Variants in FERMT2 observed in about 807,000 individuals in gnomAD.
FERMT2 encodes FERM domain containing kindlin 2, also known as fermitin family homolog 2.
A neutral mutation model predicts 82.7 loss-of-function variants in FERMT2; 15 were observed. That is an observed-to-expected ratio of 0.18 (90% confidence interval 0.12 to 0.28). The LOEUF is 0.28. Ranked by LOEUF, FERMT2 falls within the 10% of genes least tolerant of loss-of-function variation. The pLI is 1.00. For synonymous variants in FERMT2, 274 were observed against 271.5 expected (o/e 1.01, Z -0.09); for missense variants, 645 against 809.4 (o/e 0.80, Z 2.46).
chr14:52,875,932 TG>T (rs1885931417), intron 7 of FERMT2, among the ~76,000 whole-genome samples: 1 of 152,036 alleles, frequency 6.6e-6, no homozygotes, highest in Non-Finnish European at 1.5e-5. Flanking sequence ...TATACGTGGG[TG>T]GGGTGGGGGC....
chr14:52,912,670 C>CATTCTT (rs2139617531), intron 3 of FERMT2, among the ~76,000 whole-genome samples: 1 of 151,990 alleles, frequency 6.6e-6, no homozygotes, highest in South Asian at 2.1e-4. Context: ...CCACCATGCC[C>CATTCTT]GGCTACTTTT....
intron 10 of FERMT2, among the ~76,000 whole-genome samples, chr14:52,866,095 T>TACACAATTCCATAATAA (rs1325092377): frequency 1.3e-5 from 2 of 152,142 alleles, no homozygotes; most frequent in African/African-American, 2.4e-5. Flanking sequence ...GGATTTACAG[T>TACACAATTCCATAATAA]ACACAATTCC....
Position 52,881,228 on chromosome 14 carries a change from A to C in FERMT2, c.752+16T>G, listed in dbSNP as rs770898925. ...TGGATGAAGAAATTCAATTTTATCT[A>C]TATCTTAAAACTTACCCTTGGTTGA... On this transcript the variant is annotated intron_variant, in intron 5 of 14. Transcript: ENST00000341590. 1.2e-6 allele frequency: 2 copies of C among 1,607,198 alleles called. No individual in the cohort carries two copies. Among genetic ancestry groups the C allele is most frequent in the African/African-American group, 2.7e-5 (2 of 74,694 alleles).
chr14:52,916,546 A>C (rs1484577399), intron 3 of FERMT2, among the ~76,000 whole-genome samples: 1 of 152,202 alleles, frequency 6.6e-6, no homozygotes, highest in African/African-American at 2.4e-5. Flanking sequence ...GAGAGGGATG[A>C]ATAGGCAGAG....
intron 7 of FERMT2, among the ~76,000 whole-genome samples, chr14:52,875,795 T>C (rs1189338676): frequency 1.3e-5 from 2 of 152,208 alleles, no homozygotes; most frequent in African/African-American, 4.8e-5. Context: ...CTGCTCCTAT[T>C]ACCCAGGAGA....
intron 7 of FERMT2, 46 bp from the exon 8 acceptor site, chr14:52,875,403 A>C: frequency 7.1e-7 from 1 of 1,399,564 alleles, no homozygotes; most frequent in Non-Finnish European, 9.9e-7. Flanking sequence ...TAACTGTAAA[A>C]CTCTAAAATG....
At chr14:52,924,696 T>C (rs762614909) in intron 2 of FERMT2, among the ~76,000 whole-genome samples, 2 of 152,114 alleles carry the variant, frequency 1.3e-5, no homozygotes, top group African/African-American at 2.4e-5. Flanking sequence ...CAGAAAACTT[T>C]TCCTGGATAT....
chr14:52,925,239 A>G (rs1220004930), intron 2 of FERMT2, among the ~76,000 whole-genome samples: 2 of 152,138 alleles, frequency 1.3e-5, no homozygotes. Context: ...GGCAAGCATA[A>G]AAACTAACTG....
intron 2 of FERMT2, among the ~76,000 whole-genome samples, chr14:52,927,621 A>AAAAAAAAAAAAAAAAAC (rs1321051698): frequency 6.7e-6 from 1 of 149,076 alleles, no homozygotes; most frequent in African/African-American, 2.5e-5. Flanking sequence ...AAAAAAAAAA[A>AAAAAAAAAAAAAAAAAC]AATCCAGGCA....
chr14:52,948,541 C>T (rs779833728), intron 2 of FERMT2: 69 of 455,036 alleles, frequency 1.5e-4, no homozygotes, highest in Non-Finnish European at 2.7e-4. Flanking sequence ...GTAAGGTTTC[C>T]ATACGCACAG....
intron 2 of FERMT2, among the ~76,000 whole-genome samples, chr14:52,931,815 G>A (rs902296981): frequency 6.6e-6 from 1 of 152,196 alleles, no homozygotes; most frequent in African/African-American, 2.4e-5. Context: ...GGATCACCAG[G>A]TCAGGAGATA....
chr14:52,932,472 C>T (rs1269985954), intron 2 of FERMT2, among the ~76,000 whole-genome samples: 1 of 151,950 alleles, frequency 6.6e-6, no homozygotes, highest in African/African-American at 2.4e-5. Context: ...TAATGGCAAC[C>T]ACAGACAAAC....
chr14:52,862,960 T>C (rs1351903276), intron 12 of FERMT2: 1 of 152,238 alleles, frequency 6.6e-6, no homozygotes, highest in African/African-American at 2.4e-5. Context: ...GATACCTTAC[T>C]GTGAAATGAT....
intron 3 of FERMT2, among the ~76,000 whole-genome samples, chr14:52,894,942 AC>A (rs1887173830): frequency 6.6e-6 from 1 of 152,050 alleles, no homozygotes; most frequent in African/African-American, 2.4e-5. Flanking sequence ...TGTTGAGAAA[AC>A]AAAAAAGGCA....
At chr14:52,898,015 CAAAG>C (rs893677638) in intron 3 of FERMT2, among the ~76,000 whole-genome samples, 1 of 142,366 alleles carries the variant, frequency 7.0e-6, no homozygotes, top group African/African-American at 2.6e-5. Flanking sequence ...AAAAACCCCA[CAAAG>C]AAAGAAACAC....
At chr14:52,919,441 G>A in intron 2 of FERMT2, 85 bp from the exon 3 acceptor site, 1 of 853,584 alleles carries the variant, frequency 1.2e-6, no homozygotes, top group Non-Finnish European at 1.8e-6. Context: ...AGATAATTGG[G>A]TATTTAACAG....
chr14:52,860,196 C>T (rs915767834), intron 13 of FERMT2, 145 bp downstream of exon 13: 1 of 599,064 alleles, frequency 1.7e-6, no homozygotes, highest in Non-Finnish European at 2.7e-6. Context: ...TTACAAAATA[C>T]ATTCTAACAG....
intron 2 of FERMT2, among the ~76,000 whole-genome samples, chr14:52,941,405 A>C (rs937515423): frequency 6.6e-6 from 1 of 152,210 alleles, no homozygotes; most frequent in South Asian, 2.1e-4. Context: ...GATAAATTTT[A>C]CTATATGTCA....
At chr14:52,950,757 C>T (rs1323099799) in intron 1 of FERMT2, 164 bp downstream of exon 1, 6 of 551,032 alleles carry the variant, frequency 1.1e-5, no homozygotes, top group Non-Finnish European at 1.9e-5. Context: ...CCGCTCGCCC[C>T]GCAGCGTTCC....
Sources: gnomAD v4.1 joint callset for allele counts (sites outside exome capture counted in the v4.1 genomes callset) on GRCh38, gnomAD v4.1.1 for gene constraint, MANE v1.5 for transcripts, NCBI Gene and HGNC (gene_info 2026-07-23, HGNC 2026-07-21) for gene names.